KCND2: variants seen among roughly 807,000 people sequenced by gnomAD.
KCND2 encodes potassium voltage-gated channel subfamily D member 2, also known as A-type voltage-gated potassium channel KCND2.
A neutral mutation model predicts 54.4 loss-of-function variants in KCND2; 16 were observed. The observed-to-expected ratio is 0.29, with a 90% CI of 0.20 to 0.45. KCND2 has a LOEUF of 0.45. Among genes scored for constraint, KCND2 ranks in the 20% least tolerant of loss-of-function variants. KCND2 has a pLI of 1.00. For missense variants in KCND2, 486 were observed against 824.2 expected, an observed-to-expected ratio of 0.59 and a Z score of 5.02; for synonymous variants, 317 against 310.7, an observed-to-expected ratio of 1.02 and a Z score of -0.21.
chr7:120,570,307 A>G (rs1527655), intron 1 of KCND2, among the ~76,000 whole-genome samples: 1 of 152,042 alleles, frequency 6.6e-6, no homozygotes, highest in Non-Finnish European at 1.5e-5. Flanking sequence ...CCTATTGGAG[A>G]CAATGTTCAC....
At chr7:120,302,889 C>T (rs1799606450) in intron 1 of KCND2, among the ~76,000 whole-genome samples, 1 of 152,124 alleles carries the variant, frequency 6.6e-6, no homozygotes, top group African/African-American at 2.4e-5. Context: ...CTGTCTAATG[C>T]TCTCATTTTA....
chr7:120,368,861 G>T (rs1800723428), intron 1 of KCND2, among the ~76,000 whole-genome samples: 1 of 152,102 alleles, frequency 6.6e-6, no homozygotes, highest in African/African-American at 2.4e-5. Context: ...ATATGGCAGT[G>T]AGGAGAAGTT....
chr7:120,366,535 A>C (rs529637732), intron 1 of KCND2, among the ~76,000 whole-genome samples: 2 of 150,002 alleles, frequency 1.3e-5, no homozygotes, highest in South Asian at 4.2e-4. Context: ...GGAAGGAGAG[A>C]GGGAGGAAAG....
chr7:120,638,462 C>T (rs1793332811), intron 1 of KCND2, among the ~76,000 whole-genome samples: 3 of 152,106 alleles, frequency 2.0e-5, no homozygotes, highest in African/African-American at 7.2e-5. Flanking sequence ...CAAAATTTCC[C>T]CTGCCATCTG....
chr7:120,644,178 A>C (rs114284874), intron 1 of KCND2, among the ~76,000 whole-genome samples: 2,889 of 152,260 alleles, frequency 0.019, 75 homozygotes, highest in African/African-American at 0.064. Context: ...CAAGAATTTC[A>C]GAATATTATA....
intron 1 of KCND2, among the ~76,000 whole-genome samples, chr7:120,714,761 CA>C: frequency 6.6e-6 from 1 of 151,866 alleles, no homozygotes; most frequent in East Asian, 1.9e-4. Context: ...AATTAGAGAA[CA>C]GAACACCATA....
chr7:120,604,510 CAAT>C (rs36229417), intron 1 of KCND2, among the ~76,000 whole-genome samples: 8,616 of 140,084 alleles, frequency 0.062, 348 homozygotes, highest in African/African-American at 0.11. Context: ...CTAAAAATAA[CAAT>C]AATAATAATA....
intron 1 of KCND2, among the ~76,000 whole-genome samples, chr7:120,448,052 T>TAATA (rs989069070): frequency 6.6e-6 from 1 of 152,206 alleles, no homozygotes; most frequent in Non-Finnish European, 1.5e-5. Context: ...TATCATAGTT[T>TAATA]AAGTTCTAGG....
At chr7:120,743,638 A>G (rs1792969452) in intron 4 of KCND2, among the ~76,000 whole-genome samples, 1 of 152,160 alleles carries the variant, frequency 6.6e-6, no homozygotes, top group Non-Finnish European at 1.5e-5. Flanking sequence ...CAGGGTGACT[A>G]GGAGTTAGCT....
At chr7:120,356,020 G>A (rs981277531) in intron 1 of KCND2, among the ~76,000 whole-genome samples, 1 of 152,056 alleles carries the variant, frequency 6.6e-6, no homozygotes, top group East Asian at 1.9e-4. Flanking sequence ...AGCATTTAAA[G>A]TGTTATAGTT....
intron 1 of KCND2, among the ~76,000 whole-genome samples, chr7:120,357,589 ATCAGAG>A (rs1430614203): frequency 6.6e-6 from 1 of 152,084 alleles, no homozygotes; most frequent in Non-Finnish European, 1.5e-5. Context: ...ACTCCAGAGG[ATCAGAG>A]TCAAAGAAGG....
intron 1 of KCND2, among the ~76,000 whole-genome samples, chr7:120,685,313 G>T (rs552323760): frequency 3.9e-5 from 6 of 152,254 alleles, no homozygotes; most frequent in South Asian, 2.1e-4. Flanking sequence ...TAAGCACTAA[G>T]ATCATATAGT....
intron 1 of KCND2, among the ~76,000 whole-genome samples, chr7:120,322,217 G>C (rs79685992): frequency 0.043 from 6,535 of 152,008 alleles, 198 homozygotes; most frequent in South Asian, 0.092. Context: ...GAAATAAGAT[G>C]TCCTAGTTCA....
chr7:120,565,931 T>C (rs1407641124), intron 1 of KCND2, among the ~76,000 whole-genome samples: 1 of 152,212 alleles, frequency 6.6e-6, no homozygotes, highest in Admixed American at 6.5e-5. Flanking sequence ...TGTTTTCTGA[T>C]TCCTGAATCT....
intron 1 of KCND2, among the ~76,000 whole-genome samples, chr7:120,629,733 G>C (rs1312767609): frequency 6.6e-6 from 1 of 152,166 alleles, no homozygotes; most frequent in African/African-American, 2.4e-5. Context: ...GGAATGGTTA[G>C]ACTTGACCAA....
intron 1 of KCND2, among the ~76,000 whole-genome samples, chr7:120,605,140 T>C (rs1219904118): frequency 6.6e-6 from 1 of 152,194 alleles, no homozygotes; most frequent in Non-Finnish European, 1.5e-5. Context: ...TTGGAAACAG[T>C]TGCACAACCA....
chr7:120,704,147 A>G (rs1792436819), intron 1 of KCND2, among the ~76,000 whole-genome samples: 1 of 152,208 alleles, frequency 6.6e-6, no homozygotes. Context: ...TCTTGAGTGC[A>G]AAAGTCCAGA....
intron 1 of KCND2, among the ~76,000 whole-genome samples, chr7:120,728,129 T>C (rs1293028008): frequency 8.5e-6 from 1 of 117,234 alleles, no homozygotes; most frequent in African/African-American, 3.4e-5. Flanking sequence ...GGAGATTCCG[T>C]CTCAAAAAAA....
chr7:120,582,005 C>T (rs1392365892), intron 1 of KCND2, among the ~76,000 whole-genome samples: 1 of 152,068 alleles, frequency 6.6e-6, no homozygotes, highest in Non-Finnish European at 1.5e-5. Flanking sequence ...TGAGCCACCG[C>T]ACCGGGCCAA....
Sources: allele counts gnomAD v4.1 joint callset (sites outside exome capture counted in the v4.1 genomes callset), GRCh38; gene constraint gnomAD v4.1.1; transcripts MANE v1.5; gene names NCBI Gene and HGNC (gene_info 2026-07-23, HGNC 2026-07-21).